NELL2: variants seen among roughly 807,000 people sequenced by gnomAD.
The protein encoded by NELL2 is protein kinase C-binding protein NELL2.
NELL2 carries 41 observed loss-of-function variants against 109.6 expected under a neutral mutation model. The observed-to-expected ratio is 0.37, with a 90% confidence interval of 0.29 to 0.49. The LOEUF (loss-of-function observed/expected upper bound fraction) is 0.49, where lower values mean the gene tolerates loss of function less well. Among genes scored for constraint, NELL2 ranks in the 20% least tolerant of loss-of-function variants. NELL2 has a pLI of 0.98. For synonymous variants in NELL2, 355 were observed against 344.7 expected (o/e 1.03, Z -0.33); for missense variants, 900 against 1,008.3 (o/e 0.89, Z 1.45).
rs139179334 is a variant in NELL2 at position 44,810,784 on chromosome 12, C to T, written c.335+5202G>A. Among the ~76,000 whole-genome samples, 305 of 152,038 alleles carry T rather than the reference C, an allele frequency of 2.0e-3. 2 individuals carry two copies. The highest frequency in any genetic ancestry group is 6.7e-3 in the African/African-American group (280 of 41,494). On this transcript the variant is annotated intron_variant, in intron 3 of 19. Transcript: ENST00000429094. ...CTGCCGTCAGGGATAGAAACTGGGT[C>T]GCAGGGGACAGGAATGGAGTGCCTT...
chr12:44,597,521 A>C (rs1389795582), intron 15 of NELL2, among the ~76,000 whole-genome samples: 1 of 152,228 alleles, frequency 6.6e-6, no homozygotes, highest in African/African-American at 2.4e-5. Flanking sequence ...AAGCTAGCAC[A>C]TTATACTTTT....
rs148767317 is a variant in NELL2, at chr12:44,781,004, A to T, written c.336-982T>A. Among the ~76,000 whole-genome samples the T allele has an allele frequency of 9.2e-5, 14 of 152,270 alleles. 2 individuals carry two copies. Among genetic ancestry groups the T allele is most frequent in the African/African-American group, 2.9e-4 (12 of 41,564 alleles). The stretch of plus-strand genomic sequence containing the variant: ...CATGTCCAGGTTTCAGTAAAAAATC[A>T]TTCATTATACCAAGAAGCAAAGAAA... On this transcript the variant is annotated intron_variant, in intron 3 of 19. Transcript: ENST00000429094.
intron 1 of NELL2, among the ~76,000 whole-genome samples, chr12:44,885,802 T>C (rs2710429): frequency 0.012 from 1,865 of 151,384 alleles, 66 homozygotes; most frequent in African/African-American, 0.044. Context: ...TATGGAAAAA[T>C]CAAAGAAAAC....
At chr12:44,524,045 A>T (rs1941659560) in intron 16 of NELL2, among the ~76,000 whole-genome samples, 1 of 152,126 alleles carries the variant, frequency 6.6e-6, no homozygotes, top group African/African-American at 2.4e-5. Flanking sequence ...AGGCATTTTC[A>T]TACAGTCCTT....
At chr12:44,694,432 T>C (rs1418840646) in intron 12 of NELL2, among the ~76,000 whole-genome samples, 2 of 151,894 alleles carry the variant, frequency 1.3e-5, no homozygotes, top group African/African-American at 4.8e-5. Context: ...ACTCCAGATT[T>C]TGAGACCTGA....
intron 10 of NELL2, among the ~76,000 whole-genome samples, chr12:44,712,767 G>T (rs898296066): frequency 1.3e-5 from 2 of 151,938 alleles, no homozygotes; most frequent in African/African-American, 4.8e-5. Context: ...GTATGCAAGA[G>T]AGTTTGAAGA....
intron 1 of NELL2, among the ~76,000 whole-genome samples, chr12:44,903,394 GC>G (rs1945684132): frequency 6.6e-6 from 1 of 152,174 alleles, no homozygotes; most frequent in South Asian, 2.1e-4. Context: ...AACAACAGAT[GC>G]TGGAGAGGAT....
At chr12:44,707,946 T>C (rs190325620) in intron 11 of NELL2, among the ~76,000 whole-genome samples, 1 of 152,140 alleles carries the variant, frequency 6.6e-6, no homozygotes, top group Non-Finnish European at 1.5e-5. Flanking sequence ...CTTCTGTATG[T>C]GGATGCCCCT....
intron 13 of NELL2, among the ~76,000 whole-genome samples, chr12:44,621,666 C>T (rs570264965): frequency 1.3e-5 from 2 of 151,762 alleles, no homozygotes; most frequent in South Asian, 2.1e-4. Flanking sequence ...ACATCCTTCA[C>T]GTGGATTTAC....
intron 2 of NELL2, among the ~76,000 whole-genome samples, chr12:44,852,861 T>C (rs1237921471): frequency 6.6e-6 from 1 of 152,146 alleles, no homozygotes; most frequent in East Asian, 1.9e-4. Context: ...TTATTAAAAA[T>C]TGAACCCACA....
intron 16 of NELL2, among the ~76,000 whole-genome samples, chr12:44,531,766 G>A (rs1942071971): frequency 6.6e-6 from 1 of 152,126 alleles, no homozygotes. Flanking sequence ...TATCCTCTCA[G>A]GCTCTATGAA....
At chr12:44,875,540 C>T in intron 1 of NELL2, 187 bp from the exon 2 acceptor site, 11 of 1,613,982 alleles carry the variant, frequency 6.8e-6, no homozygotes, top group Non-Finnish European at 9.3e-6. Context: ...AATAGCGGAG[C>T]ACCCAGTCCC....
intron 15 of NELL2, among the ~76,000 whole-genome samples, chr12:44,543,275 T>C (rs1338017423): frequency 2.0e-5 from 3 of 152,164 alleles, no homozygotes; most frequent in African/African-American, 2.4e-5. Flanking sequence ...TTTTGTCTCA[T>C]GCCTTTTATC....
intron 15 of NELL2, among the ~76,000 whole-genome samples, chr12:44,572,188 C>A (rs768524398): frequency 2.2e-4 from 34 of 152,062 alleles, no homozygotes; most frequent in Admixed American, 5.9e-4. Context: ...GTTGCCCAGG[C>A]TGGATTGCAG....
chr12:44,621,267 C>G (rs926686761), intron 13 of NELL2, among the ~76,000 whole-genome samples: 4 of 152,158 alleles, frequency 2.6e-5, no homozygotes, highest in African/African-American at 9.7e-5. Context: ...TTGAGACTCT[C>G]TCAGTCTCAT....
intron 9 of NELL2, among the ~76,000 whole-genome samples, chr12:44,749,804 TA>T (rs1363373129): frequency 3.3e-5 from 5 of 152,016 alleles, no homozygotes; most frequent in African/African-American, 9.6e-5. Context: ...GAAGGGCAAA[TA>T]ACACCATAAA....
chr12:44,554,092 T>C (rs976278319), intron 15 of NELL2, among the ~76,000 whole-genome samples: 1 of 152,178 alleles, frequency 6.6e-6, no homozygotes, highest in Non-Finnish European at 1.5e-5. Context: ...CATATTACTA[T>C]ATTATCATGA....
chr12:44,893,738 G>A (rs1343712966), intron 1 of NELL2, among the ~76,000 whole-genome samples: 1 of 152,132 alleles, frequency 6.6e-6, no homozygotes, highest in Non-Finnish European at 1.5e-5. Context: ...AATTTTGAAT[G>A]TCCATGTAGC....
chr12:44,752,517 T>A (rs1940698020), intron 9 of NELL2, among the ~76,000 whole-genome samples: 1 of 152,192 alleles, frequency 6.6e-6, no homozygotes, highest in African/African-American at 2.4e-5. Context: ...CCAATCCAGA[T>A]CTGACTGCAG....
Sources: allele counts gnomAD v4.1 joint callset (sites outside exome capture counted in the v4.1 genomes callset), GRCh38; gene constraint gnomAD v4.1.1; transcripts MANE v1.5; gene names NCBI Gene and HGNC (gene_info 2026-07-23, HGNC 2026-07-21).